The following CEP128 variants were observed in gnomAD, a reference collection of about 807,000 sequenced individuals.
The protein encoded by CEP128 is centrosomal protein 128kDa.
Under a neutral mutation model 156.7 loss-of-function variants are expected in CEP128, and 132 were observed. The observed-to-expected ratio is 0.84, with a 90% confidence interval of 0.73 to 0.97. The LOEUF is 0.97. Among genes scored for constraint, CEP128 ranks in the 50% least tolerant of loss-of-function variants. The pLI, the probability that CEP128 is intolerant of heterozygous loss-of-function variation, is 0.00. For missense variants in CEP128, 1,252 were observed against 1,281.9 expected (o/e 0.98, Z 0.36); for synonymous variants, 469 against 448.9 (o/e 1.04, Z -0.57).
intron 19 of CEP128, among the ~76,000 whole-genome samples, chr14:80,609,831 T>A (rs180763967): frequency 1.8e-3 from 271 of 151,350 alleles, no homozygotes; most frequent in Middle Eastern, 3.4e-3. Flanking sequence ...TCTTTTTTTT[T>A]AAAATTATAT....
chr14:80,621,374 A>G (rs558563114), intron 19 of CEP128, among the ~76,000 whole-genome samples: 33 of 152,240 alleles, frequency 2.2e-4, no homozygotes, highest in African/African-American at 7.5e-4. Context: ...AATCTGTTCT[A>G]TTTGGTTTGT....
chr14:80,739,641 T>C (rs1898705685), intron 19 of CEP128, among the ~76,000 whole-genome samples: 1 of 152,188 alleles, frequency 6.6e-6, no homozygotes, highest in African/African-American at 2.4e-5. Context: ...TAATATTCTT[T>C]TTTTTTGATA....
chr14:80,870,605 T>G (rs1453556453), intron 8 of CEP128, among the ~76,000 whole-genome samples: 2 of 151,986 alleles, frequency 1.3e-5, no homozygotes, highest in Non-Finnish European at 2.9e-5. Flanking sequence ...TTTAGCATAA[T>G]AAAGGCCATA....
chr14:80,935,687 G>A (rs2139607536), intron 2 of CEP128, among the ~76,000 whole-genome samples: 1 of 107,262 alleles, frequency 9.3e-6, no homozygotes, highest in Non-Finnish European at 1.8e-5. Context: ...ACATGAGCTA[G>A]CTTAAGTGAA....
chr14:80,946,170 T>C (rs2139650394), upstream of CEP128, among the ~76,000 whole-genome samples: 1 of 152,316 alleles, frequency 6.6e-6, no homozygotes, highest in Non-Finnish European at 1.5e-5. Context: ...GTCTAATTCA[T>C]GGTAAGCATT....
chr14:80,713,758 C>T (rs901709372), intron 19 of CEP128, among the ~76,000 whole-genome samples: 3 of 152,064 alleles, frequency 2.0e-5, no homozygotes, highest in Admixed American at 6.6e-5. Flanking sequence ...GCATTACTTA[C>T]GTGTACTGAG....
chr14:80,839,543 T>C (rs1206731001), intron 10 of CEP128, among the ~76,000 whole-genome samples: 2 of 152,062 alleles, frequency 1.3e-5, no homozygotes, highest in African/African-American at 4.8e-5. Context: ...GAGTTATATA[T>C]ATAAAGCTGG....
intron 19 of CEP128, among the ~76,000 whole-genome samples, chr14:80,630,938 T>C (rs904184352): frequency 1.7e-4 from 26 of 152,130 alleles, no homozygotes; most frequent in Middle Eastern, 3.4e-3. Flanking sequence ...GCTTCTGTTT[T>C]TTACCCATGG....
chr14:80,538,337 TC>T (rs775573092), intron 21 of CEP128, among the ~76,000 whole-genome samples: 60 of 152,316 alleles, frequency 3.9e-4, no homozygotes, highest in Non-Finnish European at 7.9e-4. Context: ...TCTACAAACA[TC>T]ATCTAAGATG....
downstream of CEP128, among the ~76,000 whole-genome samples, chr14:80,494,624 A>G (rs149391904): frequency 2.1e-4 from 32 of 152,334 alleles, no homozygotes; most frequent in African/African-American, 7.5e-4. Flanking sequence ...ATGGCTCTAC[A>G]TGTACTTTGC....
At chr14:80,947,460 T>G (rs183506964) in intron 2 of CEP128, among the ~76,000 whole-genome samples, 1 of 151,444 alleles carries the variant, frequency 6.6e-6, no homozygotes, top group African/African-American at 2.4e-5. Flanking sequence ...TGTAATTTGT[T>G]GTAGGACCCT....
intron 19 of CEP128, among the ~76,000 whole-genome samples, chr14:80,617,217 A>ACCTTTTTTTTTTTTTT (rs1491470595): frequency 2.3e-5 from 1 of 43,140 alleles, no homozygotes; most frequent in Non-Finnish European, 5.0e-5. Context: ...TGTGAATATC[A>ACCTTTTTTTTTTTTTT]TCTTTTTTTT....
At chr14:80,696,704 T>C (rs1032307196) in intron 19 of CEP128, among the ~76,000 whole-genome samples, 3 of 152,122 alleles carry the variant, frequency 2.0e-5, no homozygotes, top group African/African-American at 7.2e-5. Context: ...GTGAGAGTAG[T>C]TTCATAAAAG....
At chr14:80,505,094 C>G in intron 23 of CEP128, 74 bp from the exon 24 acceptor site, 1 of 563,940 alleles carries the variant, frequency 1.8e-6, no homozygotes, top group Non-Finnish European at 3.1e-6. Flanking sequence ...CGTACTGAAG[C>G]TGAAATTAAA....
chr14:80,515,705 C>T (rs1030134851), intron 23 of CEP128, among the ~76,000 whole-genome samples: 28 of 152,254 alleles, frequency 1.8e-4, no homozygotes, highest in African/African-American at 6.3e-4. Context: ...AGCTGTTGCC[C>T]AAGCTGCAAG....
chr14:80,887,462 G>A (rs1888862476), intron 8 of CEP128, among the ~76,000 whole-genome samples: 1 of 152,100 alleles, frequency 6.6e-6, no homozygotes, highest in Non-Finnish European at 1.5e-5. Flanking sequence ...TTAGAACTCA[G>A]GATTAAGAAA....
chr14:80,567,987 A>T (rs1890987165), intron 20 of CEP128, among the ~76,000 whole-genome samples: 1 of 152,146 alleles, frequency 6.6e-6, no homozygotes, highest in Non-Finnish European at 1.5e-5. Flanking sequence ...GAGGTTAGTC[A>T]TGTATCAATG....
exon 7 of CEP128, chr14:80,490,548 G>A (rs1419423237): frequency 1.3e-5 from 2 of 152,104 alleles, no homozygotes; most frequent in African/African-American, 4.8e-5. Flanking sequence ...TATACTATAG[G>A]CCCTGATTTA....
intron 19 of CEP128, among the ~76,000 whole-genome samples, chr14:80,586,110 CT>C (rs898644776): frequency 4.8e-4 from 71 of 148,764 alleles, no homozygotes; most frequent in African/African-American, 1.5e-3. Flanking sequence ...CCTAGGGTTG[CT>C]TTTTTTTTTC....
Sources: gnomAD v4.1 joint callset for allele counts (sites outside exome capture counted in the v4.1 genomes callset) on GRCh38, gnomAD v4.1.1 for gene constraint, MANE v1.5 for transcripts, NCBI Gene and HGNC (gene_info 2026-07-23, HGNC 2026-07-21) for gene names.